Variants in SPINT2 observed in about 807,000 individuals in gnomAD.
SPINT2 encodes the protein kunitz-type protease inhibitor 2.
In SPINT2, 18 loss-of-function variants were observed where a neutral mutation model predicts 30.1. That is an observed-to-expected ratio of 0.60 (90% CI 0.41 to 0.89). SPINT2 has a LOEUF of 0.89. Among genes scored for constraint, SPINT2 ranks in the 40% least tolerant of loss-of-function variants. The pLI is 0.00. For missense variants in SPINT2, 276 were observed against 334.3 expected (o/e 0.83, Z 1.36); for synonymous variants, 139 against 137.9 (o/e 1.01, Z -0.05).
At chr19:38,291,675 C>A in intron 6 of SPINT2, 165 bp from the exon 7 acceptor site, 1 of 798,324 alleles carries the variant, frequency 1.3e-6, no homozygotes, top group Non-Finnish European at 1.9e-6. Flanking sequence ...GCATCTCTGG[C>A]AGGCTGTGTC....
Position 38,292,061 on chromosome 19 carries a change from T to C in SPINT2, c.*55T>C. 1 of 1,599,958 alleles carries C rather than the reference T, an allele frequency of 6.3e-7. No individual in the cohort carries two copies. The highest frequency in any genetic ancestry group is 8.5e-7 in the Non-Finnish European group (1 of 1,173,324). On this transcript the variant is annotated 3_prime_UTR_variant, in exon 7 of 7. Coordinates refer to ENST00000301244, the MANE Select transcript of SPINT2 (RefSeq NM_021102.4). Reference sequence around the variant, plus strand: ...GGAGGGGAGACTATGTGTGAGCTTTTTTTAAATAGAGGGATTGACTCGGAT... The same window carrying C: ...GGAGGGGAGACTATGTGTGAGCTTTCTTTAAATAGAGGGATTGACTCGGAT...
At chr19:38,287,960 T>C (rs1555716974) in intron 3 of SPINT2, 25 bp downstream of exon 3, 9 of 1,613,140 alleles carry the variant, frequency 5.6e-6, no homozygotes, top group Non-Finnish European at 8.5e-7. Flanking sequence ...AGACCCGCGA[T>C]GGAGTGAGGC....
intron 1 of SPINT2, among the ~76,000 whole-genome samples, chr19:38,266,202 C>T (rs971877166): frequency 1.6e-4 from 25 of 151,870 alleles, no homozygotes; most frequent in African/African-American, 6.0e-4. Flanking sequence ...CTGGAGCAGG[C>T]GTGAAGGAGG....
At chr19:38,278,174 T>C (rs1404451358) in intron 1 of SPINT2, among the ~76,000 whole-genome samples, 1 of 152,086 alleles carries the variant, frequency 6.6e-6, no homozygotes, top group Non-Finnish European at 1.5e-5. Context: ...TGTCATTGAG[T>C]GTGACTGAAA....
intron 1 of SPINT2, among the ~76,000 whole-genome samples, chr19:38,274,257 T>G (rs1387643144): frequency 6.6e-6 from 1 of 152,096 alleles, no homozygotes; most frequent in African/African-American, 2.4e-5. Context: ...TGCTAAATAC[T>G]ATTTTAAGCA....
intron 1 of SPINT2, among the ~76,000 whole-genome samples, chr19:38,281,081 T>A (rs939957793): frequency 2.0e-5 from 3 of 152,158 alleles, no homozygotes; most frequent in African/African-American, 7.2e-5. Context: ...TCATCTCGTC[T>A]TGTTGGTGGC....
chr19:38,268,930 C>G, intron 1 of SPINT2, among the ~76,000 whole-genome samples: 1 of 151,964 alleles, frequency 6.6e-6, no homozygotes, highest in East Asian at 1.9e-4. Flanking sequence ...AACACCAGGC[C>G]AGATCATATA....
At chr19:38,285,396 G>A (rs1474240898) in intron 2 of SPINT2, among the ~76,000 whole-genome samples, 2 of 152,186 alleles carry the variant, frequency 1.3e-5, no homozygotes, top group Non-Finnish European at 2.9e-5. Context: ...CCAGGCTGGA[G>A]TGCAGTGATG....
rs749953759 is a variant in SPINT2 at position 38,287,875 on chromosome 19, G to A, written c.278-1G>A. On this transcript the variant is annotated splice_acceptor_variant, in intron 2 of 6. Transcript: ENST00000301244. LOFTEE classifies it high-confidence loss of function. ...TGTGCTGTTTCTTTGTCCCCTTGCA[G>A]AGAATGCCACGGGTGACCTGGCCAC... The A allele has an allele frequency of 6.2e-7, 1 of 1,614,212 alleles. No individual in the cohort carries two copies. Among genetic ancestry groups the A allele is most frequent in the East Asian group, 2.2e-5 (1 of 44,880 alleles).
chr19:38,268,764 C>CGTGTGTGT (rs1317352177), intron 1 of SPINT2, among the ~76,000 whole-genome samples: 477 of 141,392 alleles, frequency 3.4e-3, no homozygotes, highest in East Asian at 0.01. Flanking sequence ...CATGCGCGCG[C>CGTGTGTGT]GCGTGTGTGT....
In SPINT2 at chr19:38,290,319, TGAG is replaced by T. The variant is rs1439831120; in HGVS notation, c.553+42_553+44del. On this transcript the variant is annotated intron_variant, in intron 5 of 6. Transcript: ENST00000301244. The surrounding 1 kb of genome is among the most constrained non-coding windows in gnomAD (Gnocchi z 4.3). ...CCCTCAGCCCAGGAAGCCCTGCCCT[TGAG>T]GACCCCGGTCCATCTCCCCATCCCT... The T allele has an allele frequency of 4.4e-6, 7 of 1,605,204 alleles. No individual in the cohort carries two copies. Among genetic ancestry groups the T allele is most frequent in the South Asian group, 1.1e-5 (1 of 89,950 alleles).
intron 1 of SPINT2, among the ~76,000 whole-genome samples, chr19:38,275,733 A>T (rs7251987): frequency 0.17 from 21,258 of 125,650 alleles, 1,781 homozygotes; most frequent in East Asian, 0.4. Flanking sequence ...TGACAAAAAA[A>T]TTTTTTTTTT....
At chr19:38,271,417 A>G (rs144870535) in intron 1 of SPINT2, among the ~76,000 whole-genome samples, 5,271 of 152,046 alleles carry the variant, frequency 0.035, 111 homozygotes, top group African/African-American at 0.05. Flanking sequence ...GCGTGAACCC[A>G]GGAAGTGGAG....
At position 38,290,169 on chromosome 19, in the gene SPINT2, C is replaced by T. The variant is rs1279737892; in HGVS notation, c.442C>T (p.Arg148Cys). Residue 148 changes from arginine (R) to cysteine (C), a missense_variant, in exon 5 of 7, where the codon CGC (arginine) becomes TGC (cysteine). Coordinates refer to ENST00000301244, the MANE Select transcript of SPINT2 (RefSeq NM_021102.4). The surrounding 1 kb of genome is among the most constrained non-coding windows in gnomAD (Gnocchi z 4.3). The part of the protein sequence containing the change: ...VTGPCRASFP[R>C]WYFDVERNSC... ...TGGGCCTTGCCGTGCATCCTTCCCA[C>T]GCTGGTACTTTGACGTGGAGAGGAA... The T allele has an allele frequency of 6.2e-6, 10 of 1,612,696 alleles. No individual in the cohort carries two copies. The highest frequency in any genetic ancestry group is 4.0e-5 in the African/African-American group (3 of 75,012).
chr19:38,289,814 C>CA, intron 4 of SPINT2: 1 of 433,788 alleles, frequency 2.3e-6, no homozygotes, highest in South Asian at 2.2e-5. Context: ...TGCCCCGCCT[C>CA]AGAGTTCCCA....
In SPINT2 at chr19:38,287,926, G is replaced by T. The variant is rs1319107030; in HGVS notation, c.328G>T (p.Val110Phe). The change falls in exon 3 of 7, where the codon GTC (valine) becomes TTC (phenylalanine). Residue 110 changes from valine to phenylalanine, a missense_variant. Val to Phe is a conservative substitution (Grantham distance 50, BLOSUM62 -1). Transcript: ENST00000301244. ...CAGCAGGAATGCAGCGGATTCCTCTGTCCCAAGTGGTAGGTTCTTAAAGAG... is the reference window on the plus strand; with the variant it reads ...CAGCAGGAATGCAGCGGATTCCTCTTTCCCAAGTGGTAGGTTCTTAAAGAG... ...ATSRNAADSS[V>F]PSAPRRQDSE... 7 of 1,614,158 alleles carry T rather than the reference G, an allele frequency of 4.3e-6. No homozygotes were observed. The South Asian group carries it at 6.6e-5, about 15-fold the overall frequency.
intron 1 of SPINT2, among the ~76,000 whole-genome samples, chr19:38,278,946 T>C (rs1025578840): frequency 1.3e-5 from 2 of 152,144 alleles, no homozygotes; most frequent in Non-Finnish European, 2.9e-5. Context: ...AAAATCCCTT[T>C]TCATGACTTC....
intron 1 of SPINT2, among the ~76,000 whole-genome samples, chr19:38,268,766 C>CGCGCGCGCGTGTGTGTGTGTGTGTGT (rs375982086): frequency 1.1e-4 from 17 of 149,816 alleles, no homozygotes; most frequent in African/African-American, 4.2e-4. Flanking sequence ...TGCGCGCGCG[C>CGCGCGCGCGTGTGTGTGTGTGTGTGT]GTGTGTGTGT....
intron 3 of SPINT2, chr19:38,288,374 C>A: frequency 3.3e-6 from 1 of 301,666 alleles, no homozygotes; most frequent in South Asian, 3.1e-5. Flanking sequence ...CCTCTGCCAC[C>A]CCCGCCTCCC....
Sources: allele counts gnomAD v4.1 joint callset (sites outside exome capture counted in the v4.1 genomes callset), GRCh38; gene constraint gnomAD v4.1.1; non-coding constraint Gnocchi (gnomAD v3.1); transcripts MANE v1.5; gene names NCBI Gene and HGNC (gene_info 2026-07-23, HGNC 2026-07-21).